NTM: variants seen among roughly 807,000 people sequenced by gnomAD.
The protein encoded by NTM is neurotrimin.
In NTM, 13 loss-of-function variants were observed where a neutral mutation model predicts 42.1. The observed-to-expected ratio is 0.31, with a 90% CI of 0.20 to 0.49. NTM has a LOEUF of 0.49. Ranked by LOEUF, NTM falls within the 20% of genes least tolerant of loss-of-function variation. NTM has a pLI of 0.99. For missense variants in NTM, 373 were observed against 452.8 expected, an observed-to-expected ratio of 0.82 and a Z score of 1.60; for synonymous variants, 187 against 179.2, an observed-to-expected ratio of 1.04 and a Z score of -0.35.
intron 1 of NTM, among the ~76,000 whole-genome samples, chr11:131,907,713 G>A (rs1226396336): frequency 6.6e-6 from 1 of 151,936 alleles, no homozygotes; most frequent in Non-Finnish European, 1.5e-5. Context: ...CAGAAAGGAA[G>A]TTGTTTCTAT....
chr11:132,283,013 A>G (rs1355287624), intron 4 of NTM, among the ~76,000 whole-genome samples: 2 of 73,782 alleles, frequency 2.7e-5, no homozygotes, highest in Admixed American at 3.4e-4. Flanking sequence ...TTTGAGACAG[A>G]GTCTCGCTCT....
chr11:131,910,794 C>T (rs2054723672), intron 1 of NTM: 34 of 976,876 alleles, frequency 3.5e-5, no homozygotes, highest in Non-Finnish European at 4.1e-5. Context: ...CAGCCCCTGC[C>T]CCGCCGAGCC....
chr11:132,196,316 A>G (rs1191620182), intron 3 of NTM, among the ~76,000 whole-genome samples: 1 of 152,212 alleles, frequency 6.6e-6, no homozygotes, highest in Non-Finnish European at 1.5e-5. Context: ...GCAAAATTGT[A>G]GAGAAAAGGG....
intron 1 of NTM, chr11:131,767,227 C>A: frequency 2.1e-6 from 1 of 468,128 alleles, no homozygotes; most frequent in Non-Finnish European, 2.8e-6. Flanking sequence ...GTTAAACAAT[C>A]TTACCTCATA....
At chr11:131,967,136 A>G (rs1400037686) in intron 2 of NTM, among the ~76,000 whole-genome samples, 5 of 152,220 alleles carry the variant, frequency 3.3e-5, no homozygotes, top group African/African-American at 1.2e-4. Flanking sequence ...AAAAGCGGAC[A>G]TGCCAAGTGG....
At chr11:132,014,710 T>G (rs901819100) in intron 2 of NTM, among the ~76,000 whole-genome samples, 1 of 151,258 alleles carries the variant, frequency 6.6e-6, no homozygotes, top group Non-Finnish European at 1.5e-5. Context: ...TTCAGATCAT[T>G]TACCCGCTTT....
chr11:132,171,685 C>A (rs973326106), intron 3 of NTM, among the ~76,000 whole-genome samples: 2 of 152,144 alleles, frequency 1.3e-5, no homozygotes. Context: ...CTCTTTGATT[C>A]TTCACTATTT....
At chr11:131,892,139 C>T (rs986680088) in intron 1 of NTM, among the ~76,000 whole-genome samples, 1 of 152,198 alleles carries the variant, frequency 6.6e-6, no homozygotes, top group Non-Finnish European at 1.5e-5. Context: ...TCCTCTTCCT[C>T]CTCCTCTTTC....
chr11:132,082,274 A>G (rs920222813), intron 2 of NTM, among the ~76,000 whole-genome samples: 1 of 152,044 alleles, frequency 6.6e-6, no homozygotes, highest in African/African-American at 2.4e-5. Flanking sequence ...AGGAGGGTGG[A>G]ATTTATTAAG....
chr11:132,107,926 T>C (rs1252935773), intron 2 of NTM, among the ~76,000 whole-genome samples: 1 of 152,164 alleles, frequency 6.6e-6, no homozygotes, highest in Non-Finnish European at 1.5e-5. Flanking sequence ...TAAATTGATA[T>C]CTTTGCTCCA....
At chr11:131,646,990 G>T (rs964708653) in intron 1 of NTM, among the ~76,000 whole-genome samples, 1 of 152,228 alleles carries the variant, frequency 6.6e-6, no homozygotes, top group African/African-American at 2.4e-5. Flanking sequence ...CGCAAAAGGG[G>T]AGATTAAAAT....
At position 131,440,763 on chromosome 11, in the gene NTM, CA is replaced by C. The variant is rs1455806009; in HGVS notation, c.82+69876del. 4.4e-5 allele frequency among the ~76,000 whole-genome samples: 6 copies of C among 136,186 alleles called. No individual in the cohort carries two copies. The South Asian group carries it at 9.5e-4, about 22-fold the overall frequency. 89.3% of individuals were successfully genotyped at this position (136,186 alleles called of 152,430 possible). On this transcript the variant is annotated intron_variant, in intron 1 of 8. Transcript: ENST00000683400. Reference sequence around the variant, plus strand: ...TGACGGAATGTAACTCTTCCTCATACAGACTTTCAACAGTTGTCTTGTTTTT... The same window carrying C: ...TGACGGAATGTAACTCTTCCTCATACGACTTTCAACAGTTGTCTTGTTTTT...
At chr11:132,320,647 GA>G (rs2095542191) in intron 7 of NTM, among the ~76,000 whole-genome samples, 1 of 152,206 alleles carries the variant, frequency 6.6e-6, no homozygotes, top group Admixed American at 6.5e-5. Context: ...AAAGCAGCCA[GA>G]AAGCTCGAAC....
intron 1 of NTM, among the ~76,000 whole-genome samples, chr11:131,775,109 C>T (rs758858590): frequency 6.6e-6 from 1 of 152,200 alleles, no homozygotes; most frequent in Non-Finnish European, 1.5e-5. Context: ...CACAGGGCTC[C>T]TCCAGGGGAA....
intron 1 of NTM, among the ~76,000 whole-genome samples, chr11:131,415,835 T>G (rs1052880398): frequency 2.6e-5 from 4 of 152,232 alleles, no homozygotes; most frequent in Admixed American, 2.6e-4. Context: ...TAGTGGTACA[T>G]GGGTTAATAT....
At chr11:131,633,788 T>TCTCTCTCTCA (rs141539738) in intron 1 of NTM, among the ~76,000 whole-genome samples, 43 of 55,140 alleles carry the variant, frequency 7.8e-4, no homozygotes, top group African/African-American at 1.7e-3. Flanking sequence ...TCTCTCTCTC[T>TCTCTCTCTCA]CACACACACA....
chr11:131,407,029 A>G (rs1175353047), intron 1 of NTM, among the ~76,000 whole-genome samples: 2 of 152,222 alleles, frequency 1.3e-5, no homozygotes, highest in East Asian at 3.9e-4. Context: ...AGTTAAGACC[A>G]CAGAGTAGCA....
chr11:131,555,046 C>T (rs974697874), intron 1 of NTM, among the ~76,000 whole-genome samples: 1 of 152,092 alleles, frequency 6.6e-6, no homozygotes, highest in African/African-American at 2.4e-5. Context: ...CCAGTAATCC[C>T]AGTGCTTTGG....
At position 132,310,177 on chromosome 11, in the gene NTM, T is replaced by G; in HGVS notation, c.727T>G (p.Cys243Gly). ...CGTGGGACAAAAGGGGACACTGCAG[T>G]GTGAAGCCTCAGCAGTCCCCTCAGC... ...VPVGQKGTLQ[C>G]EASAVPSAEF... Residue 243 changes from cysteine to glycine, a missense_variant, in exon 6 of 9, where the codon TGT becomes GGT. Around this residue, in one of 3 missense-constraint regions of NTM, gnomAD observed 312 missense variants for 353.5 expected, o/e 0.88. Coordinates refer to ENST00000683400, the MANE Select transcript of NTM (RefSeq NM_001352005.2). 1 of 1,610,964 alleles carries G rather than the reference T, an allele frequency of 6.2e-7. No individual in the cohort carries two copies. The highest frequency in any genetic ancestry group is 8.5e-7 in the Non-Finnish European group (1 of 1,178,664).
Sources: gnomAD v4.1 joint callset for allele counts (sites outside exome capture counted in the v4.1 genomes callset) on GRCh38, gnomAD v4.1.1 for gene constraint, gnomAD v4.1.1 regional missense constraint, MANE v1.5 for transcripts, NCBI Gene and HGNC (gene_info 2026-07-23, HGNC 2026-07-21) for gene names.